The following NPL variants were observed in gnomAD, a reference collection of about 807,000 sequenced individuals.
NPL encodes N-acetylneuraminate lyase.
A neutral mutation model predicts 41.1 loss-of-function variants in NPL; 32 were observed. That is an observed-to-expected ratio of 0.78 (90% CI 0.59 to 1.05). The LOEUF is 1.05. Among genes scored for constraint, NPL ranks in the 50% least tolerant of loss-of-function variants. NPL has a pLI of 0.00. For synonymous variants in NPL, 128 were observed against 134.9 expected, an observed-to-expected ratio of 0.95 and a Z score of 0.35; for missense variants, 321 against 378.4, an observed-to-expected ratio of 0.85 and a Z score of 1.26.
intron 10 of NPL, among the ~76,000 whole-genome samples, chr1:182,819,913 G>T (rs968381617): frequency 1.6e-4 from 24 of 152,358 alleles, no homozygotes; most frequent in Admixed American, 5.2e-4. Flanking sequence ...AACCTAAGAG[G>T]AGGATGTACA....
intron 12 of NPL, chr1:182,826,072 C>G: frequency 1.8e-6 from 1 of 568,714 alleles, no homozygotes; most frequent in South Asian, 2.1e-5. Flanking sequence ...CCTAAACCAT[C>G]AGCACTCCCT....
chr1:182,829,770 T>G lies in NPL; in HGVS notation c.*862T>G, dbSNP rs571945944. On this transcript the variant is annotated 3_prime_UTR_variant, in exon 13 of 13. Coordinates refer to ENST00000367553, the MANE Select transcript of NPL (RefSeq NM_030769.3). The stretch of plus-strand genomic sequence containing the variant: ...AGCCCAGGGGCTAATGTTATTATCC[T>G]GTCACACTTGCAACTAGTGACTTTT... The G allele has an allele frequency of 1.9e-5, 15 of 799,986 alleles. No individual in the cohort carries two copies. The African/African-American group carries it at 2.4e-4, about 13-fold the overall frequency. The allele number at this position is 799,986 out of a possible 1,614,324, so 49.6% of individuals were successfully genotyped here. A position where few individuals can be genotyped will look rare whatever the true frequency, so the allele number is the denominator to read the frequency against.
At chr1:182,794,546 T>C in intron 3 of NPL, 107 bp downstream of exon 3, 2 of 1,144,174 alleles carry the variant, frequency 1.7e-6, no homozygotes, top group Non-Finnish European at 2.6e-6. Flanking sequence ...TGTAGAACTG[T>C]TGCCAAAAGG....
chr1:182,807,105 T>C (rs1258166896), intron 5 of NPL, among the ~76,000 whole-genome samples: 1 of 152,212 alleles, frequency 6.6e-6, no homozygotes, highest in Non-Finnish European at 1.5e-5. Context: ...CCCAAAGTGT[T>C]GGGATTACAG....
At chr1:182,792,564 TC>T (rs1187267326) in intron 2 of NPL, among the ~76,000 whole-genome samples, 1 of 152,218 alleles carries the variant, frequency 6.6e-6, no homozygotes, top group Non-Finnish European at 1.5e-5. Flanking sequence ...CACATGAAGC[TC>T]AAAGAGTGAT....
chr1:182,801,571 C>T (rs865949754), intron 3 of NPL, among the ~76,000 whole-genome samples: 7 of 152,064 alleles, frequency 4.6e-5, no homozygotes, highest in African/African-American at 4.8e-5. Context: ...TTGGAGGGGT[C>T]GGGCTCAGTG....
intron 3 of NPL, among the ~76,000 whole-genome samples, chr1:182,795,034 C>A (rs1287174734): frequency 6.6e-6 from 1 of 152,134 alleles, no homozygotes; most frequent in Non-Finnish European, 1.5e-5. Context: ...CTAATCATTA[C>A]CCCAAGCAAG....
chr1:182,809,118 T>C (rs1571440104), intron 5 of NPL: 2 of 317,700 alleles, frequency 6.3e-6, no homozygotes, highest in East Asian at 9.6e-5. Flanking sequence ...ACAATTTACA[T>C]TGGGTTTTAA....
intron 5 of NPL, chr1:182,806,621 T>C: frequency 7.1e-7 from 1 of 1,413,836 alleles, no homozygotes; most frequent in Non-Finnish European, 9.5e-7. Flanking sequence ...GATGAGCGCC[T>C]GATGCTTGTA....
At chr1:182,797,707 G>A (rs751384712) in intron 3 of NPL, among the ~76,000 whole-genome samples, 1 of 152,122 alleles carries the variant, frequency 6.6e-6, no homozygotes, top group Non-Finnish European at 1.5e-5. Context: ...ATAGCACCCT[G>A]TCCATACTCT....
chr1:182,812,294 G>T, intron 6 of NPL, 81 bp downstream of exon 6: 2 of 1,197,294 alleles, frequency 1.7e-6, no homozygotes, highest in Non-Finnish European at 1.2e-6. Flanking sequence ...TACTATATTT[G>T]CTATGTAGTA....
intron 12 of NPL, chr1:182,826,256 A>G (rs1209396707): frequency 1.0e-5 from 2 of 199,214 alleles, no homozygotes; most frequent in African/African-American, 4.7e-5. Flanking sequence ...GTAAGCCTAA[A>G]TGGATGGAGG....
Position 182,818,465 on chromosome 1 carries a change from G to A in NPL, c.458-76G>A, listed in dbSNP as rs977710578. ...TGACAGCAGCGTGTGGCAGCTCACT[G>A]CAGATGCATGACACTATATGAGATG... On this transcript the variant is annotated intron_variant, in intron 8 of 12. Transcript: ENST00000367553. 10 of 1,582,586 alleles carry A rather than the reference G, an allele frequency of 6.3e-6. 1 individual carries two copies. Among genetic ancestry groups the A allele is most frequent in the Middle Eastern group, 3.7e-4 (2 of 5,454 alleles).
intron 3 of NPL, among the ~76,000 whole-genome samples, chr1:182,794,829 C>T (rs1666612773): frequency 2.0e-5 from 3 of 152,198 alleles, no homozygotes; most frequent in African/African-American, 4.8e-5. Context: ...GACCTAGGCC[C>T]TCTCAGGATG....
At chr1:182,794,545 G>T in intron 3 of NPL, 106 bp downstream of exon 3, 3 of 1,140,596 alleles carry the variant, frequency 2.6e-6, no homozygotes, top group Non-Finnish European at 4.0e-6. Flanking sequence ...CTGTAGAACT[G>T]TTGCCAAAAG....
chr1:182,828,620 C>A lies in NPL; in HGVS notation c.779-104C>A. ...GTTCCCATCTTTTGTTTTAATCTTA[C>A]CCTGTTGTAGTAGTTGCTGTTAGCA... On this transcript the variant is annotated intron_variant, in intron 12 of 12. Transcript: ENST00000367553. The surrounding 1 kb of genome is among the most constrained non-coding windows in gnomAD (Gnocchi z 4.0). 2.1e-6 allele frequency: 3 copies of A among 1,422,228 alleles called. No individual in the cohort carries two copies. The highest frequency in any genetic ancestry group is 2.9e-6 in the Non-Finnish European group (3 of 1,020,962). 88.1% of individuals were successfully genotyped at this position (1,422,228 alleles called of 1,614,324 possible).
At chr1:182,805,297 G>C (rs190191958) in intron 4 of NPL, among the ~76,000 whole-genome samples, 8 of 152,318 alleles carry the variant, frequency 5.3e-5, no homozygotes, top group African/African-American at 9.6e-5. Context: ...TGGGCATGGT[G>C]GTGGGTCCCT....
intron 11 of NPL, among the ~76,000 whole-genome samples, chr1:182,825,367 A>T (rs1435575687): frequency 6.6e-6 from 1 of 152,204 alleles, no homozygotes; most frequent in Non-Finnish European, 1.5e-5. Context: ...AGGATCTAGA[A>T]ATTGATTCCC....
chr1:182,816,909 A>G, intron 8 of NPL, 103 bp downstream of exon 8: 1 of 841,238 alleles, frequency 1.2e-6, no homozygotes, highest in Non-Finnish European at 2.0e-6. Flanking sequence ...ATGCCCCAAA[A>G]GCACACCACC....
Sources: allele counts gnomAD v4.1 joint callset (sites outside exome capture counted in the v4.1 genomes callset), GRCh38; gene constraint gnomAD v4.1.1; non-coding constraint Gnocchi (gnomAD v3.1); transcripts MANE v1.5; gene names NCBI Gene and HGNC (gene_info 2026-07-23, HGNC 2026-07-21).